The following NALF1 variants were observed in gnomAD, a reference collection of about 807,000 sequenced individuals.
NALF1 encodes family with sequence similarity 155 member A.
In NALF1, 3 loss-of-function variants were observed where a neutral mutation model predicts 48.4. That is an observed-to-expected ratio of 0.06 (90% CI 0.03 to 0.16). NALF1 has a LOEUF of 0.16. Among genes scored for constraint, NALF1 ranks in the 10% least tolerant of loss-of-function variants. NALF1 has a pLI of 1.00. For missense variants in NALF1, 526 were observed against 571.5 expected, an observed-to-expected ratio of 0.92 and a Z score of 0.81; for synonymous variants, 262 against 245.7, an observed-to-expected ratio of 1.07 and a Z score of -0.62.
chr13:107,795,860 G>C (rs766125342), intron 1 of NALF1, among the ~76,000 whole-genome samples: 4 of 152,158 alleles, frequency 2.6e-5, no homozygotes, highest in Non-Finnish European at 1.5e-5. Context: ...GCCAATAGCA[G>C]TGAGGAATAA....
chr13:107,251,332 T>C (rs922913817), intron 1 of NALF1, among the ~76,000 whole-genome samples: 1 of 152,242 alleles, frequency 6.6e-6, no homozygotes, highest in African/African-American at 2.4e-5. Flanking sequence ...AAAAGTCACA[T>C]TTCTGGCAGA....
Position 107,649,560 on chromosome 13 carries a change from T to C in NALF1, c.915+216122A>G, listed in dbSNP as rs757756775. ...ATTATTTCATATAAATTACCTTTCATGAGAGGCATATTTAGTGAATGCTAC... is the reference window on the plus strand; with the variant it reads ...ATTATTTCATATAAATTACCTTTCACGAGAGGCATATTTAGTGAATGCTAC... On this transcript the variant is annotated intron_variant, in intron 1 of 2. Transcript: ENST00000375915. Among the ~76,000 whole-genome samples, 66 of 152,332 alleles carry C rather than the reference T, an allele frequency of 4.3e-4. 1 individual carries two copies. Among genetic ancestry groups the C allele is most frequent in the Non-Finnish European group, 8.1e-4 (55 of 68,022 alleles).
chr13:107,638,969 T>C (rs1880069657), intron 1 of NALF1, among the ~76,000 whole-genome samples: 1 of 152,164 alleles, frequency 6.6e-6, no homozygotes, highest in African/African-American at 2.4e-5. Flanking sequence ...CTTCCCTATA[T>C]GCACATAACA....
chr13:107,825,937 C>T (rs954239370), intron 1 of NALF1, among the ~76,000 whole-genome samples: 2 of 151,694 alleles, frequency 1.3e-5, no homozygotes, highest in African/African-American at 2.4e-5. Context: ...CCCGCCACTG[C>T]GCCCAGCTAA....
intron 1 of NALF1, among the ~76,000 whole-genome samples, chr13:107,268,191 T>C (rs910370184): frequency 7.9e-5 from 12 of 152,180 alleles, no homozygotes; most frequent in Admixed American, 2.0e-4. Flanking sequence ...GGTTTTACCA[T>C]GTTGGCCAGG....
intron 1 of NALF1, among the ~76,000 whole-genome samples, chr13:107,391,518 C>T (rs7985961): frequency 0.27 from 41,779 of 152,004 alleles, 5,860 homozygotes; most frequent in Admixed American, 0.33. Context: ...TCCTTTCTTT[C>T]CAGATCCAGA....
intron 1 of NALF1, among the ~76,000 whole-genome samples, chr13:107,389,377 T>C (rs1883583265): frequency 6.6e-6 from 1 of 152,162 alleles, no homozygotes; most frequent in Non-Finnish European, 1.5e-5. Context: ...TGGACCCTAA[T>C]CCATTATAGT....
At chr13:107,782,163 C>T (rs1877910170) in intron 1 of NALF1, among the ~76,000 whole-genome samples, 1 of 152,346 alleles carries the variant, frequency 6.6e-6, no homozygotes, top group East Asian at 1.9e-4. Context: ...GCCTGATTCT[C>T]CTGCCTCAGC....
intron 1 of NALF1, among the ~76,000 whole-genome samples, chr13:107,391,253 T>C (rs1443650153): frequency 6.6e-6 from 1 of 152,140 alleles, no homozygotes; most frequent in Non-Finnish European, 1.5e-5. Flanking sequence ...TAATTTTTTA[T>C]CTTGCCCAAA....
At chr13:107,816,173 C>G (rs1285173268) in intron 1 of NALF1, among the ~76,000 whole-genome samples, 1 of 152,172 alleles carries the variant, frequency 6.6e-6, no homozygotes. Context: ...GAACACCTCA[C>G]CCAACACAGC....
At chr13:107,774,205 T>C (rs756538397) in intron 1 of NALF1, among the ~76,000 whole-genome samples, 1 of 152,340 alleles carries the variant, frequency 6.6e-6, no homozygotes, top group East Asian at 1.9e-4. Context: ...TAAATATGTG[T>C]ATTTGTATTT....
chr13:107,537,385 T>G (rs1328229286), intron 1 of NALF1, among the ~76,000 whole-genome samples: 1 of 152,196 alleles, frequency 6.6e-6, no homozygotes, highest in African/African-American at 2.4e-5. Flanking sequence ...AATATAACTT[T>G]TTATTTAGTG....
chr13:107,841,937 G>A (rs1396173525), intron 1 of NALF1, among the ~76,000 whole-genome samples: 2 of 151,820 alleles, frequency 1.3e-5, no homozygotes, highest in Non-Finnish European at 2.9e-5. Flanking sequence ...ACAATATGTA[G>A]ATAAAATATT....
chr13:107,694,506 T>C (rs1406710564), intron 1 of NALF1, among the ~76,000 whole-genome samples: 2 of 152,134 alleles, frequency 1.3e-5, no homozygotes, highest in Non-Finnish European at 2.9e-5. Flanking sequence ...TTTGTTTTAC[T>C]TGGGGTGGGA....
At chr13:107,615,767 T>G (rs548105518) in intron 1 of NALF1, among the ~76,000 whole-genome samples, 15 of 152,340 alleles carry the variant, frequency 9.8e-5, no homozygotes, top group African/African-American at 3.4e-4. Flanking sequence ...TTCTTCTAGG[T>G]TAAATTATAA....
Position 107,516,852 on chromosome 13 carries a change from A to G in NALF1, c.916-306097T>C, listed in dbSNP as rs1329564963. ...TAAACATTAAAGTTTGTGGTTTGTC[A>G]ATTTGCAAAAGTGGACATGAATTCT... On this transcript the variant is annotated intron_variant, in intron 1 of 2. Coordinates refer to ENST00000375915, the MANE Select transcript of NALF1 (RefSeq NM_001080396.3). Among the ~76,000 whole-genome samples, 3 of 152,180 alleles carry G rather than the reference A, an allele frequency of 2.0e-5. No homozygotes were observed. The East Asian group carries it at 5.8e-4, about 29-fold the overall frequency.
intron 2 of NALF1, among the ~76,000 whole-genome samples, chr13:107,188,890 A>T (rs1416674434): frequency 6.6e-6 from 1 of 152,234 alleles, no homozygotes; most frequent in Non-Finnish European, 1.5e-5. Flanking sequence ...GCCTAAGAGT[A>T]AAATGTAATG....
chr13:107,173,569 G>T (rs896517440), intron 2 of NALF1, among the ~76,000 whole-genome samples: 3 of 152,064 alleles, frequency 2.0e-5, no homozygotes, highest in Non-Finnish European at 4.4e-5. Context: ...CCACCATCTG[G>T]ACTGGTTGCC....
chr13:107,734,828 T>C (rs7321855), intron 1 of NALF1, among the ~76,000 whole-genome samples: 11 of 152,136 alleles, frequency 7.2e-5, no homozygotes, highest in Non-Finnish European at 1.6e-4. Flanking sequence ...TACTAAGAAT[T>C]TGTATGAGTA....
Sources: gnomAD v4.1 joint callset for allele counts (sites outside exome capture counted in the v4.1 genomes callset) on GRCh38, gnomAD v4.1.1 for gene constraint, MANE v1.5 for transcripts, NCBI Gene and HGNC (gene_info 2026-07-23, HGNC 2026-07-21) for gene names.